PAQR5: variants seen among roughly 807,000 people sequenced by gnomAD.
PAQR5 encodes membrane progestin receptor gamma.
Under a neutral mutation model 34.5 loss-of-function variants are expected in PAQR5, and 20 were observed. The ratio of observed to expected loss-of-function variants is 0.58; its 90% CI spans 0.41 to 0.84. The LOEUF is 0.84. PAQR5 is among the 40% of genes least tolerant of loss of function. The pLI is 0.00. For missense variants in PAQR5, 378 were observed against 412.7 expected (o/e 0.92, Z 0.73); for synonymous variants, 131 against 155.6 (o/e 0.84, Z 1.18).
rs565173664 is a variant in PAQR5, at chr15:69,354,455, G to C, written c.-115-5511G>C. Reference sequence around the variant, plus strand: ...ATTAATGTTATATCATACTATTTAAGTTATGAGATATCAAGAGAAGAATAA... The same window carrying C: ...ATTAATGTTATATCATACTATTTAACTTATGAGATATCAAGAGAAGAATAA... On this transcript the variant is annotated intron_variant, in intron 2 of 8. Coordinates refer to ENST00000395407, the MANE Select transcript of PAQR5 (RefSeq NM_017705.4). Among the ~76,000 whole-genome samples the C allele has an allele frequency of 2.6e-5, 4 of 152,258 alleles. No individual in the cohort carries two copies. In the East Asian group the frequency reaches 7.7e-4, roughly 29 times the overall value.
Position 69,350,751 on chromosome 15 carries a change from A to G in PAQR5, c.-115-9215A>G, listed in dbSNP as rs28883089. ...ACAGTACCTCAATCAATTCCCAGACATGAGCCAGTTTATAGACCCAAAAAC... is the reference window on the plus strand; with the variant it reads ...ACAGTACCTCAATCAATTCCCAGACGTGAGCCAGTTTATAGACCCAAAAAC... On this transcript the variant is annotated intron_variant, in intron 2 of 8. Transcript: ENST00000395407. 5.3e-5 allele frequency among the ~76,000 whole-genome samples: 8 copies of G among 152,160 alleles called. No homozygotes were observed. The South Asian group carries it at 1.0e-3, about 20-fold the overall frequency.
chr15:69,378,962 C>A (rs1006934067), intron 3 of PAQR5, among the ~76,000 whole-genome samples: 2 of 152,080 alleles, frequency 1.3e-5, no homozygotes, highest in Non-Finnish European at 2.9e-5. Flanking sequence ...AATTGAGAAC[C>A]CTTGGTCTAA....
chr15:69,319,375 C>T (rs561524151), intron 1 of PAQR5, among the ~76,000 whole-genome samples: 1 of 151,116 alleles, frequency 6.6e-6, no homozygotes, highest in Non-Finnish European at 1.5e-5. Context: ...CTTCTGCTTG[C>T]TTTTGGTTGT....
intron 2 of PAQR5, among the ~76,000 whole-genome samples, chr15:69,339,979 A>G (rs961205216): frequency 6.6e-6 from 1 of 151,968 alleles, no homozygotes; most frequent in Non-Finnish European, 1.5e-5. Context: ...CGATTCTTCT[A>G]CCTCAGCCTC....
At chr15:69,391,275 G>A (rs1416223321) in intron 6 of PAQR5, 1 of 155,024 alleles carries the variant, frequency 6.5e-6, no homozygotes, top group East Asian at 1.9e-4. Context: ...AGTTTCACAA[G>A]GGAGAGCAGG....
At chr15:69,395,294 G>T (rs552827883) in intron 6 of PAQR5, among the ~76,000 whole-genome samples, 3 of 152,236 alleles carry the variant, frequency 2.0e-5, no homozygotes, top group Non-Finnish European at 4.4e-5. Context: ...CTGAGTCTGC[G>T]CAGCCTACTG....
chr15:69,306,189 G>C (rs1404102761), intron 1 of PAQR5, among the ~76,000 whole-genome samples: 1 of 152,096 alleles, frequency 6.6e-6, no homozygotes, highest in South Asian at 2.1e-4. Context: ...CTGTGTTGCG[G>C]GGAATTGGGG....
intron 2 of PAQR5, among the ~76,000 whole-genome samples, chr15:69,348,614 G>A (rs1278232400): frequency 6.6e-6 from 1 of 152,132 alleles, no homozygotes; most frequent in African/African-American, 2.4e-5. Flanking sequence ...TGTCAACTTG[G>A]CAGGGGACAT....
rs59406608 is a variant in PAQR5, at chr15:69,322,745, A to C, written c.-276-14596A>C. ...AAGAAGAAGAAGAAGAAGAAGAAGA[A>C]GAAGAAGAAGAAGAAGAAGAAGAAG... On this transcript the variant is annotated intron_variant, in intron 1 of 8. Transcript: ENST00000395407. Among the ~76,000 whole-genome samples, 176 of 36,956 alleles carry C rather than the reference A, an allele frequency of 4.8e-3. 20 individuals are homozygous for C. The highest frequency in any genetic ancestry group is 0.046 in the East Asian group (44 of 962). 24.2% of individuals were successfully genotyped at this position (36,956 alleles called of 152,430 possible).
intron 3 of PAQR5, among the ~76,000 whole-genome samples, chr15:69,368,504 G>A (rs2055465198): frequency 6.6e-6 from 1 of 152,210 alleles, no homozygotes; most frequent in Non-Finnish European, 1.5e-5. Context: ...GAAAACTGAT[G>A]ACTCAATAAT....
intron 2 of PAQR5, among the ~76,000 whole-genome samples, chr15:69,353,571 G>T (rs1331517065): frequency 6.6e-6 from 1 of 152,192 alleles, no homozygotes; most frequent in African/African-American, 2.4e-5. Context: ...GAGCCAGCTA[G>T]GTGGCAATAC....
chr15:69,322,610 G>T (rs569760618), intron 1 of PAQR5, among the ~76,000 whole-genome samples: 1 of 130,884 alleles, frequency 7.6e-6, no homozygotes, highest in Non-Finnish European at 1.5e-5. Context: ...AGCTGTGTTT[G>T]TACCACTGCA....
intron 3 of PAQR5, among the ~76,000 whole-genome samples, chr15:69,377,079 C>T (rs1204509324): frequency 6.6e-6 from 1 of 152,234 alleles, no homozygotes; most frequent in East Asian, 1.9e-4. Flanking sequence ...GTCACAAAGT[C>T]TCTTGGTTTA....
Position 69,389,796 on chromosome 15 carries a change from A to G in PAQR5, c.512+16A>G, listed in dbSNP as rs1308253062. Reference sequence around the variant, plus strand: ...GCTACTCCAGGTACTGGTCGCTCTGACCTCAGATGGGAGGGGAGGGAGGGT... The same window carrying G: ...GCTACTCCAGGTACTGGTCGCTCTGGCCTCAGATGGGAGGGGAGGGAGGGT... On this transcript the variant is annotated intron_variant, in intron 6 of 8. Transcript: ENST00000395407. 1 of 1,613,226 alleles carries G rather than the reference A, an allele frequency of 6.2e-7. No individual in the cohort carries two copies. Among genetic ancestry groups the G allele is most frequent in the African/African-American group, 1.3e-5 (1 of 74,940 alleles).
At chr15:69,303,715 G>A (rs369997419) in intron 1 of PAQR5, among the ~76,000 whole-genome samples, 8 of 152,102 alleles carry the variant, frequency 5.3e-5, no homozygotes, top group Non-Finnish European at 1.0e-4. Flanking sequence ...AGGGATAACC[G>A]ACCAGTCTGA....
intron 1 of PAQR5, among the ~76,000 whole-genome samples, chr15:69,322,519 CGT>C (rs2054120786): frequency 6.9e-6 from 1 of 145,904 alleles, no homozygotes; most frequent in Non-Finnish European, 1.5e-5. Context: ...GGTACTGTGG[CGT>C]GTGCGTGTGG....
At chr15:69,383,549 T>C (rs112091377) in intron 4 of PAQR5, among the ~76,000 whole-genome samples, 1 of 118,856 alleles carries the variant, frequency 8.4e-6, no homozygotes, top group African/African-American at 3.4e-5. Context: ...GCGGGCCCTC[T>C]GTATTCATGG....
rs754805873 is a variant in PAQR5, at chr15:69,397,196, AG to A, written c.513-271del. On this transcript the variant is annotated intron_variant, in intron 6 of 8. Coordinates refer to ENST00000395407, the MANE Select transcript of PAQR5 (RefSeq NM_017705.4). ...CTTGGCCCTTGAAGGGTTTCTGCCC[AG>A]CGCCTCCTTTCTGGCTTAGTCTGGA... The A allele has an allele frequency of 9.4e-5, 53 of 564,296 alleles. 1 individual carries two copies. Among genetic ancestry groups the A allele is most frequent in the African/African-American group, 7.5e-4 (40 of 53,452 alleles). 35.0% of individuals were successfully genotyped at this position (564,296 alleles called of 1,614,324 possible).
intron 1 of PAQR5, among the ~76,000 whole-genome samples, chr15:69,328,286 A>C (rs2054299227): frequency 6.6e-6 from 1 of 152,338 alleles, no homozygotes; most frequent in Non-Finnish European, 1.5e-5. Context: ...ATCTTCATGC[A>C]GTTTATAAGC....
Sources: allele counts gnomAD v4.1 joint callset (sites outside exome capture counted in the v4.1 genomes callset), GRCh38; gene constraint gnomAD v4.1.1; transcripts MANE v1.5; gene names NCBI Gene and HGNC (gene_info 2026-07-23, HGNC 2026-07-21).